The following CACNA1C variants were observed in gnomAD, a reference collection of about 807,000 sequenced individuals.
The protein encoded by CACNA1C is voltage-dependent L-type calcium channel subunit alpha-1C.
Under a neutral mutation model 229.0 loss-of-function variants are expected in CACNA1C, and 30 were observed. That is an observed-to-expected ratio of 0.13 (90% CI 0.10 to 0.18). CACNA1C has a LOEUF of 0.18. Among genes scored for constraint, CACNA1C ranks in the 10% least tolerant of loss-of-function variants. The pLI is 1.00. For synonymous variants in CACNA1C, 1,114 were observed against 1,132.5 expected (o/e 0.98, Z 0.33); for missense variants, 1,658 against 2,845.0 (o/e 0.58, Z 9.49).
At chr12:2,334,298 T>C (rs2096630362) in intron 3 of CACNA1C, among the ~76,000 whole-genome samples, 3 of 152,216 alleles carry the variant, frequency 2.0e-5, no homozygotes, top group Admixed American at 1.3e-4. Flanking sequence ...TACCAGCATA[T>C]GCCAGTCACT....
chr12:2,302,700 A>G (rs2094664396), intron 3 of CACNA1C, among the ~76,000 whole-genome samples: 1 of 152,220 alleles, frequency 6.6e-6, no homozygotes, highest in Non-Finnish European at 1.5e-5. Context: ...TTATTCGCCA[A>G]AATGTATCCA....
intron 1 of CACNA1C, among the ~76,000 whole-genome samples, chr12:2,090,126 T>C (rs1030649139): frequency 6.6e-6 from 1 of 152,128 alleles, no homozygotes; most frequent in Admixed American, 6.5e-5. Context: ...CATTCTACTC[T>C]CTGTTTTTAT....
chr12:2,333,451 C>G (rs1453535993), intron 3 of CACNA1C, among the ~76,000 whole-genome samples: 1 of 152,230 alleles, frequency 6.6e-6, no homozygotes, highest in African/African-American at 2.4e-5. Flanking sequence ...TTTCCTCAAG[C>G]TTGTTATTAA....
At position 2,108,956 on chromosome 12, in the gene CACNA1C, G is replaced by A. The variant is rs1182376327; in HGVS notation, c.50-6268G>A. ...CAGCAAGAGCCAAGTGGGCTTCTGG[G>A]TGACATGTTGGCCTGAGAGAAGGCA... On this transcript the variant is annotated intron_variant, in intron 1 of 46. Transcript: ENST00000399655. This position sits in a 1 kb window ranked among gnomAD's most constrained non-coding sequence, Gnocchi z 5.3. Among the ~76,000 whole-genome samples the A allele has an allele frequency of 6.6e-6, 1 of 152,216 alleles. No individual in the cohort carries two copies. The highest frequency in any genetic ancestry group is 1.5e-5 in the Non-Finnish European group (1 of 68,038).
At position 2,057,827 on chromosome 12, in the gene CACNA1C, C is replaced by T. The variant is rs191513035; in HGVS notation, c.49+4216C>T. ...TTAGTAACCAGAGGGCCCGGTGGTG[C>T]CCAAGCCCAGTGGAGCATGGGGTGA... On this transcript the variant is annotated intron_variant, in intron 1 of 46. Coordinates refer to ENST00000399655, the MANE Select transcript of CACNA1C (RefSeq NM_000719.7). Among the ~76,000 whole-genome samples, 563 of 152,270 alleles carry T rather than the reference C, an allele frequency of 3.7e-3. 5 individuals are homozygous for T. Among genetic ancestry groups the T allele is most frequent in the African/African-American group, 0.013 (539 of 41,540 alleles).
In CACNA1C at chr12:2,585,397, A is replaced by G. The variant is rs779547568; in HGVS notation, c.2361A>G (p.Lys787=). 1 of 1,612,776 alleles carries G rather than the reference A, an allele frequency of 6.2e-7. No homozygotes were observed. The highest frequency in any genetic ancestry group is 2.2e-5 in the East Asian group (1 of 44,852). ...CCAGGACTGCCAGCCCAGAGAAGAA[A>G]CAAGAGTTGGTGGAGAAGCCGGCAG... The part of the protein sequence containing the change: ...KLARTASPEK[K]QELVEKPAVG... Residue 787 remains lysine (K), a synonymous_variant, in exon 17 of 47, where the codon AAA becomes AAG. Transcript: ENST00000399655. The surrounding 1 kb of genome is among the most constrained non-coding windows in gnomAD (Gnocchi z 4.1).
intron 7 of CACNA1C, among the ~76,000 whole-genome samples, chr12:2,503,593 A>G (rs555204969): frequency 7.9e-5 from 12 of 152,228 alleles, no homozygotes; most frequent in African/African-American, 2.6e-4. Flanking sequence ...TGTGGTGTAA[A>G]TACTTCCACC....
intron 1 of CACNA1C, among the ~76,000 whole-genome samples, chr12:2,097,653 G>A (rs1159231951): frequency 2.0e-5 from 3 of 152,312 alleles, no homozygotes; most frequent in Admixed American, 6.5e-5. Flanking sequence ...ACAGTGAGCC[G>A]CCGGGGCTCT....
At chr12:2,064,215 C>T (rs182111724) in intron 1 of CACNA1C, among the ~76,000 whole-genome samples, 82 of 152,334 alleles carry the variant, frequency 5.4e-4, no homozygotes, top group African/African-American at 1.9e-3. Context: ...CAGCTTTCAC[C>T]TCGTTGCTGA....
At chr12:2,237,482 G>C (rs934385955) in intron 3 of CACNA1C, among the ~76,000 whole-genome samples, 3 of 152,208 alleles carry the variant, frequency 2.0e-5, no homozygotes, top group Non-Finnish European at 4.4e-5. Flanking sequence ...CAGAAAGGAA[G>C]TAATGAACTA....
chr12:2,079,054 T>C (rs1452601462), intron 1 of CACNA1C, among the ~76,000 whole-genome samples: 3 of 142,962 alleles, frequency 2.1e-5, no homozygotes, highest in African/African-American at 7.9e-5. Context: ...CCACATGTTC[T>C]CACTTATAGG....
chr12:2,461,546 T>A (rs750067172), intron 5 of CACNA1C, among the ~76,000 whole-genome samples: 12 of 152,076 alleles, frequency 7.9e-5, no homozygotes, highest in Non-Finnish European at 1.3e-4. Context: ...AGCCCAGACC[T>A]TTTTTCCAAA....
intron 3 of CACNA1C, among the ~76,000 whole-genome samples, chr12:2,391,938 C>T (rs1408510783): frequency 6.6e-6 from 1 of 152,234 alleles, no homozygotes; most frequent in East Asian, 1.9e-4. Context: ...CACCATGCTG[C>T]ACAGCACCGG....
At chr12:2,194,067 C>T (rs1215519959) in intron 3 of CACNA1C, among the ~76,000 whole-genome samples, 11 of 152,104 alleles carry the variant, frequency 7.2e-5, no homozygotes, top group East Asian at 1.9e-4. Flanking sequence ...TTAGAGTCAG[C>T]GGATTCCCAC....
At chr12:2,269,060 C>T (rs113335891) in intron 3 of CACNA1C, among the ~76,000 whole-genome samples, 2 of 152,160 alleles carry the variant, frequency 1.3e-5, no homozygotes, top group South Asian at 2.1e-4. Context: ...GCCTGTGTGC[C>T]GTGTGGGTTA....
chr12:2,493,164 C>G lies in CACNA1C; in HGVS notation c.917-26C>G, dbSNP rs200022722. On this transcript the variant is annotated intron_variant, in intron 6 of 46. Coordinates refer to ENST00000399655, the MANE Select transcript of CACNA1C (RefSeq NM_000719.7). This position sits in a 1 kb window ranked among gnomAD's most constrained non-coding sequence, Gnocchi z 4.6. Reference sequence around the variant, plus strand: ...ATCTCTCCCTCCCTGCTGCTCCCGTCTCCTGTCTTCTTCTGGCCATTTGAG... The same window carrying G: ...ATCTCTCCCTCCCTGCTGCTCCCGTGTCCTGTCTTCTTCTGGCCATTTGAG... 8.6e-4 allele frequency: 1,382 copies of G among 1,601,898 alleles called. 1 individual carries two copies. Among genetic ancestry groups the G allele is most frequent in the Non-Finnish European group, 1.1e-3 (1,239 of 1,169,374 alleles).
chr12:2,444,417 T>G (rs1177331293), intron 3 of CACNA1C, among the ~76,000 whole-genome samples: 2 of 152,182 alleles, frequency 1.3e-5, no homozygotes, highest in Non-Finnish European at 2.9e-5. Context: ...GGGACTTTCT[T>G]GGGGATGAGG....
In CACNA1C at chr12:2,280,736, A is replaced by G. The variant is rs371138551; in HGVS notation, c.477+160306A>G. On this transcript the variant is annotated intron_variant, in intron 3 of 46. Transcript: ENST00000399655. The stretch of plus-strand genomic sequence containing the variant: ...CTGTGCTTCGGTTTAACCTCTTGAT[A>G]CCTTGCTGTGCTTCGGTTTAACCTC... Among the ~76,000 whole-genome samples, 37 of 131,858 alleles carry G rather than the reference A, an allele frequency of 2.8e-4. 2 individuals carry two copies. Among genetic ancestry groups the G allele is most frequent in the African/African-American group, 5.5e-4 (19 of 34,520 alleles). 86.5% of individuals were successfully genotyped at this position (131,858 alleles called of 152,430 possible).
At chr12:2,207,719 C>T (rs2097790928) in intron 3 of CACNA1C, among the ~76,000 whole-genome samples, 1 of 152,016 alleles carries the variant, frequency 6.6e-6, no homozygotes, top group Non-Finnish European at 1.5e-5. Context: ...GAGGCTGACA[C>T]AGGATGATTA....
Sources: allele counts gnomAD v4.1 joint callset (sites outside exome capture counted in the v4.1 genomes callset), GRCh38; gene constraint gnomAD v4.1.1; non-coding constraint Gnocchi (gnomAD v3.1); transcripts MANE v1.5; gene names NCBI Gene and HGNC (gene_info 2026-07-23, HGNC 2026-07-21).